Variants in SOS2 observed in about 807,000 individuals in gnomAD.
SOS2 encodes son of sevenless homolog 2.
In SOS2, 65 loss-of-function variants were observed where a neutral mutation model predicts 148.2. The observed-to-expected ratio is 0.44, with a 90% CI of 0.36 to 0.54. SOS2 has a LOEUF of 0.54. Among genes scored for constraint, SOS2 ranks in the 20% least tolerant of loss-of-function variants. SOS2 has a pLI of 0.00. For synonymous variants in SOS2, 539 were observed against 537.1 expected, an observed-to-expected ratio of 1.00 and a Z score of -0.05; for missense variants, 1,341 against 1,590.2, an observed-to-expected ratio of 0.84 and a Z score of 2.67.
Position 50,201,021 on chromosome 14 carries a change from C to A in SOS2, c.277G>T (p.Ala93Ser). 2 of 1,613,908 alleles carry A rather than the reference C, an allele frequency of 1.2e-6. No homozygotes were observed. The highest frequency in any genetic ancestry group is 1.7e-6 in the Non-Finnish European group (2 of 1,179,882). ...TTTCTTCGTTTTCGTTTTTCTATAG[C>A]AGATTGTGCATCAGCAATGGCCCAT... ...DKWAIADAQS[A>S]IEKRKRRNPL... The change falls in exon 3 of 23, where the codon GCT becomes TCT. Residue 93 changes from alanine to serine, a missense_variant. This residue lies in a region of SOS2 where 574 missense variants were observed against 711.1 expected (regional missense o/e 0.81). Transcript: ENST00000216373.
At position 50,121,776 on chromosome 14, in the gene SOS2, T is replaced by G. The variant is rs945161769; in HGVS notation, c.3380-1392A>C. 7.9e-5 allele frequency among the ~76,000 whole-genome samples: 12 copies of G among 152,198 alleles called. 1 individual carries two copies. Among genetic ancestry groups the G allele is most frequent in the African/African-American group, 2.9e-4 (12 of 41,444 alleles). ...TGTTGGCTCAGGGGGAAATAGCTGA[T>G]ACAAAAGGTATGCCTATGAGGTTGG... is the stretch of plus-strand genomic sequence containing the variant. On this transcript the variant is annotated intron_variant, in intron 21 of 22. Transcript: ENST00000216373.
intron 1 of SOS2, among the ~76,000 whole-genome samples, chr14:50,209,495 G>A (rs1046203198): frequency 6.6e-5 from 10 of 152,050 alleles, no homozygotes; most frequent in Admixed American, 4.6e-4. Flanking sequence ...GGCCAGGTGC[G>A]GTGGCTCACT....
intron 4 of SOS2, among the ~76,000 whole-genome samples, chr14:50,189,934 C>T (rs1044763647): frequency 1.1e-4 from 16 of 151,820 alleles, no homozygotes; most frequent in Non-Finnish European, 2.1e-4. Flanking sequence ...CTGCAACCTC[C>T]GCCTCCCAAG....
intron 7 of SOS2, among the ~76,000 whole-genome samples, chr14:50,178,663 TGTGTGTGC>T (rs1397492805): frequency 7.0e-5 from 1 of 14,228 alleles, no homozygotes; most frequent in African/African-American, 2.9e-4. Flanking sequence ...TGTGTGTGTG[TGTGTGTGC>T]ATATATATAT....
At chr14:50,231,174 GC>G (rs780989501) in intron 1 of SOS2, 22 bp downstream of exon 1, 105 of 1,362,530 alleles carry the variant, frequency 7.7e-5, no homozygotes, top group Non-Finnish European at 9.8e-5. Flanking sequence ...CCACCCGCCG[GC>G]CGCCCCGCCC....
At chr14:50,203,725 A>G (rs2139793870) in intron 2 of SOS2, among the ~76,000 whole-genome samples, 1 of 152,170 alleles carries the variant, frequency 6.6e-6, no homozygotes, top group South Asian at 2.1e-4. Flanking sequence ...CTTAAAATGT[A>G]CAATTTGTTG....
At chr14:50,180,730 T>C in intron 6 of SOS2, 48 bp from the exon 7 acceptor site, 3 of 1,060,068 alleles carry the variant, frequency 2.8e-6, no homozygotes, top group Non-Finnish European at 4.2e-6. Context: ...AGAATATATT[T>C]TCTACCAATA....
At chr14:50,213,187 C>T (rs2139826364) in intron 1 of SOS2, among the ~76,000 whole-genome samples, 1 of 152,272 alleles carries the variant, frequency 6.6e-6, no homozygotes, top group South Asian at 2.1e-4. Context: ...CCAGTCCACA[C>T]TGGTGCAGGT....
chr14:50,170,694 A>G (rs1301545930), intron 8 of SOS2, among the ~76,000 whole-genome samples: 1 of 152,028 alleles, frequency 6.6e-6, no homozygotes, highest in Non-Finnish European at 1.5e-5. Context: ...AATAAAATAG[A>G]TGATATACAA....
Position 50,157,040 on chromosome 14 carries a change from A to G in SOS2, c.2016T>C (p.Leu672=). 1.2e-6 allele frequency: 2 copies of G among 1,611,532 alleles called. No homozygotes were observed. Among genetic ancestry groups the G allele is most frequent in the Non-Finnish European group, 1.7e-6 (2 of 1,178,516 alleles). The part of the protein sequence containing the change: ...EKGEQPISAD[L]KRFRKEYVQP... ...GGACATATTCCTTGCGAAATCTTTTAAGGTCTGCACTGATTGGCTGCTCGC... is the reference window on the plus strand; with the variant it reads ...GGACATATTCCTTGCGAAATCTTTTGAGGTCTGCACTGATTGGCTGCTCGC... The change falls in exon 12 of 23, where the codon CTT becomes CTC. Residue 672 remains leucine (L), a synonymous_variant. Transcript: ENST00000216373.
At chr14:50,164,639 A>T (rs1345369672) in intron 8 of SOS2, among the ~76,000 whole-genome samples, 1 of 151,788 alleles carries the variant, frequency 6.6e-6, no homozygotes, top group East Asian at 1.9e-4. Flanking sequence ...TCCAAAAAAA[A>T]AAAAGAAAGA....
intron 16 of SOS2, among the ~76,000 whole-genome samples, chr14:50,142,454 A>T (rs1201692350): frequency 1.3e-5 from 2 of 152,226 alleles, no homozygotes; most frequent in Non-Finnish European, 2.9e-5. Flanking sequence ...TAAAAAAAAT[A>T]AATAAATAAT....
At chr14:50,179,787 T>C (rs1192612077) in intron 7 of SOS2, among the ~76,000 whole-genome samples, 1 of 152,196 alleles carries the variant, frequency 6.6e-6, no homozygotes, top group Admixed American at 6.5e-5. Context: ...TCTCCACTTA[T>C]TTTCATTTTA....
intron 8 of SOS2, among the ~76,000 whole-genome samples, chr14:50,167,628 G>A (rs1443514774): frequency 6.6e-6 from 1 of 152,034 alleles, no homozygotes; most frequent in African/African-American, 2.4e-5. Flanking sequence ...CAGCACTTTG[G>A]GAGGCTGAGG....
Position 50,182,610 on chromosome 14 carries a change from A to G in SOS2, c.715-4T>C. On this transcript the variant is annotated splice_region_variant and splice_polypyrimidine_tract_variant and intron_variant, in intron 5 of 22. Coordinates refer to ENST00000216373, the MANE Select transcript of SOS2 (RefSeq NM_006939.4). ...TACTAAAAATCTTTTCGATATCCTG[A>G]AAAAAGAGAAGGAAGGTTAAGAAAT... The G allele has an allele frequency of 6.3e-7, 1 of 1,594,594 alleles. No individual in the cohort carries two copies. Among genetic ancestry groups the G allele is most frequent in the Non-Finnish European group, 8.6e-7 (1 of 1,166,092 alleles).
chr14:50,200,394 T>TA (rs1304606983), intron 3 of SOS2, among the ~76,000 whole-genome samples: 1 of 152,118 alleles, frequency 6.6e-6, no homozygotes, highest in African/African-American at 2.4e-5. Context: ...TTCCAGTATA[T>TA]AAAAAATAAT....
chr14:50,169,158 T>C (rs1885276487), intron 8 of SOS2, among the ~76,000 whole-genome samples: 1 of 140,084 alleles, frequency 7.1e-6, no homozygotes, highest in South Asian at 2.3e-4. Context: ...CTAAAAATAT[T>C]AAAAAAAATT....
intron 1 of SOS2, among the ~76,000 whole-genome samples, chr14:50,216,767 T>TAAATAA (rs147001342): frequency 6.6e-6 from 1 of 151,524 alleles, no homozygotes; most frequent in African/African-American, 2.4e-5. Flanking sequence ...TAAACATGAA[T>TAAATAA]AAATAAAAAT....
chr14:50,176,528 G>T (rs915152376), intron 7 of SOS2, among the ~76,000 whole-genome samples: 5 of 152,210 alleles, frequency 3.3e-5, no homozygotes, highest in African/African-American at 1.2e-4. Context: ...ACAGTGTAAG[G>T]AGTCCTCTGA....
Sources: gnomAD v4.1 joint callset for allele counts (sites outside exome capture counted in the v4.1 genomes callset) on GRCh38, gnomAD v4.1.1 for gene constraint, gnomAD v4.1.1 regional missense constraint, MANE v1.5 for transcripts, NCBI Gene and HGNC (gene_info 2026-07-23, HGNC 2026-07-21) for gene names.